Variants in MAPKAP1 observed in about 807,000 individuals in gnomAD.
The protein encoded by MAPKAP1 is target of rapamycin complex 2 subunit MAPKAP1.
A neutral mutation model predicts 65.7 loss-of-function variants in MAPKAP1; 20 were observed. That is an observed-to-expected ratio of 0.30 (90% CI 0.21 to 0.44). The LOEUF (loss-of-function observed/expected upper bound fraction) is 0.44, where lower values mean the gene tolerates loss of function less well. Ranked by LOEUF, MAPKAP1 falls within the 20% of genes least tolerant of loss-of-function variation. MAPKAP1 has a pLI of 1.00. For missense variants in MAPKAP1, 423 were observed against 648.0 expected, an observed-to-expected ratio of 0.65 and a Z score of 3.77; for synonymous variants, 222 against 244.3, an observed-to-expected ratio of 0.91 and a Z score of 0.85.
At chr9:125,483,186 G>GC (rs1455921974) in intron 9 of MAPKAP1, among the ~76,000 whole-genome samples, 1 of 152,112 alleles carries the variant, frequency 6.6e-6, no homozygotes, top group African/African-American at 2.4e-5. Flanking sequence ...TAGCAACCCT[G>GC]CGTCATTGGT....
chr9:125,624,841 G>C (rs1413461733), intron 4 of MAPKAP1, among the ~76,000 whole-genome samples: 3 of 86,472 alleles, frequency 3.5e-5, no homozygotes, highest in African/African-American at 8.4e-5. Context: ...GATGGTTGCC[G>C]TGTCTGTGTG....
intron 1 of MAPKAP1, among the ~76,000 whole-genome samples, chr9:125,693,230 T>C (rs1454911306): frequency 6.6e-6 from 1 of 151,836 alleles, no homozygotes; most frequent in Non-Finnish European, 1.5e-5. Context: ...CTGGCCAACA[T>C]GGTGAAACCC....
intron 4 of MAPKAP1, among the ~76,000 whole-genome samples, chr9:125,610,577 C>T (rs76879782): frequency 0.035 from 5,323 of 152,134 alleles, 284 homozygotes; most frequent in African/African-American, 0.12. Context: ...TCCTCACAAC[C>T]CACCACCACC....
At chr9:125,543,698 A>C (rs1379464771) in intron 6 of MAPKAP1, among the ~76,000 whole-genome samples, 1 of 152,232 alleles carries the variant, frequency 6.6e-6, no homozygotes, top group Non-Finnish European at 1.5e-5. Flanking sequence ...TAGCGTGAGC[A>C]GTTCCATGTG....
At chr9:125,552,514 C>A (rs1830612740) in intron 6 of MAPKAP1, among the ~76,000 whole-genome samples, 1 of 152,178 alleles carries the variant, frequency 6.6e-6, no homozygotes, top group South Asian at 2.1e-4. Flanking sequence ...CTTTTATATG[C>A]AGAAACAGAT....
chr9:125,625,533 G>A (rs912127249), intron 4 of MAPKAP1, among the ~76,000 whole-genome samples: 7 of 152,162 alleles, frequency 4.6e-5, no homozygotes, highest in Non-Finnish European at 1.0e-4. Context: ...GGCAGCTCAC[G>A]CCTGTAATCC....
intron 4 of MAPKAP1, chr9:125,596,520 C>T (rs1832131030): frequency 2.8e-6 from 2 of 727,190 alleles, no homozygotes; most frequent in Non-Finnish European, 5.1e-6. Flanking sequence ...GAGGCAGAAG[C>T]TCTGGCAGCT....
intron 5 of MAPKAP1, among the ~76,000 whole-genome samples, chr9:125,581,107 C>A (rs761722386): frequency 3.3e-5 from 5 of 152,318 alleles, no homozygotes; most frequent in Middle Eastern, 3.4e-3. Context: ...CATTTACCTG[C>A]TGAAGGACAT....
chr9:125,667,671 A>ACTG (rs2131787010), intron 3 of MAPKAP1, among the ~76,000 whole-genome samples: 1 of 152,050 alleles, frequency 6.6e-6, no homozygotes, highest in East Asian at 1.9e-4. Flanking sequence ...CTTGGCCTCC[A>ACTG]AAAGTGTTGG....
At chr9:125,475,956 C>T (rs1050852875) in intron 9 of MAPKAP1, among the ~76,000 whole-genome samples, 1 of 152,194 alleles carries the variant, frequency 6.6e-6, no homozygotes, top group Non-Finnish European at 1.5e-5. Context: ...GCTCATGAAT[C>T]CGACTCCCAT....
At chr9:125,639,331 T>C (rs892376815) in intron 4 of MAPKAP1, among the ~76,000 whole-genome samples, 1 of 152,194 alleles carries the variant, frequency 6.6e-6, no homozygotes, top group Non-Finnish European at 1.5e-5. Context: ...CTTAGCTGTA[T>C]GACCTAAGGC....
intron 5 of MAPKAP1, among the ~76,000 whole-genome samples, chr9:125,578,122 A>C (rs370086046): frequency 2.0e-5 from 3 of 152,130 alleles, no homozygotes; most frequent in Admixed American, 6.5e-5. Context: ...CTGTTGATCT[A>C]TGACCTTACC....
chr9:125,521,196 TGAG>T (rs1829607360), intron 7 of MAPKAP1, among the ~76,000 whole-genome samples: 1 of 152,170 alleles, frequency 6.6e-6, no homozygotes, highest in African/African-American at 2.4e-5. Flanking sequence ...TTCACTACCA[TGAG>T]GAGTGCTAAT....
At chr9:125,459,877 C>T (rs1469714906) in intron 10 of MAPKAP1, among the ~76,000 whole-genome samples, 3 of 47,084 alleles carry the variant, frequency 6.4e-5, no homozygotes, top group Non-Finnish European at 1.3e-4. Context: ...GGGAGAGGGA[C>T]GCATATGGAG....
intron 1 of MAPKAP1, among the ~76,000 whole-genome samples, chr9:125,692,172 C>A (rs556717844): frequency 1.3e-5 from 2 of 152,256 alleles, no homozygotes; most frequent in Admixed American, 6.5e-5. Context: ...GGAATATACC[C>A]AAGAGAACTA....
chr9:125,540,953 T>G (rs1475959724), intron 7 of MAPKAP1, among the ~76,000 whole-genome samples: 4 of 152,212 alleles, frequency 2.6e-5, no homozygotes, highest in African/African-American at 9.6e-5. Context: ...AACAAATATC[T>G]TTACCAAACT....
Position 125,672,439 on chromosome 9 carries a change from T to C in MAPKAP1, c.136A>G (p.Met46Val), listed in dbSNP as rs768068204. 2.5e-6 allele frequency: 4 copies of C among 1,614,200 alleles called. No individual in the cohort carries two copies. The highest frequency in any genetic ancestry group is 1.6e-4 in the Middle Eastern group (1 of 6,062). Residue 46 changes from methionine to valine, a missense_variant, in exon 2 of 12, where the codon ATG (methionine) becomes GTG (valine). Transcript: ENST00000265960. The part of the protein sequence containing the change: ...VDLEKIHPPS[M>V]PGDSGSEIQG... ...ATTTCTGACCCACTGTCTCCAGGCA[T>C]TGAAGGAGGATGAATCTTCTCTAGG...
rs556803998 is a variant in MAPKAP1, at chr9:125,533,283, A to G, written c.958+9776T>C. 6.7e-4 allele frequency among the ~76,000 whole-genome samples: 102 copies of G among 152,342 alleles called. 4 individuals carry two copies. Among genetic ancestry groups the G allele is most frequent in the Admixed American group, 6.3e-3 (96 of 15,300 alleles). ...ATAAAATGGCTAATAAATACATTTA[A>G]AAATACTAAACGACACTAAAGACCC... On this transcript the variant is annotated intron_variant, in intron 7 of 11. Transcript: ENST00000265960.
intron 4 of MAPKAP1, among the ~76,000 whole-genome samples, chr9:125,621,245 CT>C (rs2131654007): frequency 6.6e-6 from 1 of 152,042 alleles, no homozygotes; most frequent in South Asian, 2.1e-4. Flanking sequence ...GCACTCCAGC[CT>C]GGGAGCCAAA....
Sources: gnomAD v4.1 joint callset for allele counts (sites outside exome capture counted in the v4.1 genomes callset) on GRCh38, gnomAD v4.1.1 for gene constraint, MANE v1.5 for transcripts, NCBI Gene and HGNC (gene_info 2026-07-23, HGNC 2026-07-21) for gene names.